COG6: variants seen among roughly 807,000 people sequenced by gnomAD.
COG6 encodes the protein conserved oligomeric Golgi complex subunit 6.
In COG6, 74 loss-of-function variants were observed where a neutral mutation model predicts 88.8. The observed-to-expected ratio is 0.83, with a 90% CI of 0.69 to 1.01. The LOEUF (loss-of-function observed/expected upper bound fraction) is 1.01, where lower values mean the gene tolerates loss of function less well. Ranked by LOEUF, COG6 falls within the 50% of genes least tolerant of loss-of-function variation. The pLI, the probability that COG6 is intolerant of heterozygous loss-of-function variation, is 0.00. For synonymous variants in COG6, 286 were observed against 278.7 expected (o/e 1.03, Z -0.26); for missense variants, 800 against 797.9 (o/e 1.00, Z -0.03).
chr13:39,778,806 G>T (rs546148947), intron 18 of COG6, among the ~76,000 whole-genome samples: 1 of 152,314 alleles, frequency 6.6e-6, no homozygotes, highest in Non-Finnish European at 1.5e-5. Flanking sequence ...TGACACGTTG[G>T]TCTGGTTTTG....
chr13:39,786,022 A>G (rs963344410), intron 18 of COG6, among the ~76,000 whole-genome samples: 3 of 152,206 alleles, frequency 2.0e-5, no homozygotes, highest in Admixed American at 6.5e-5. Context: ...AGAGCCCAGC[A>G]GTGCCTCAAC....
intron 18 of COG6, among the ~76,000 whole-genome samples, chr13:39,773,744 T>G (rs1881382147): frequency 6.6e-6 from 1 of 152,234 alleles, no homozygotes; most frequent in Non-Finnish European, 1.5e-5. Flanking sequence ...AATCAGCTAC[T>G]TATTGCTTAA....
intron 11 of COG6, among the ~76,000 whole-genome samples, chr13:39,693,748 C>T (rs1396213686): frequency 2.0e-5 from 3 of 151,830 alleles, no homozygotes; most frequent in African/African-American, 7.2e-5. Context: ...TAGCAAATCA[C>T]ATTTGTTTTA....
chr13:39,676,574 T>G (rs1285922465), intron 4 of COG6, among the ~76,000 whole-genome samples: 6 of 152,078 alleles, frequency 3.9e-5, no homozygotes, highest in Non-Finnish European at 5.9e-5. Flanking sequence ...ATTTAAAACC[T>G]CCATCCCAAA....
intron 17 of COG6, among the ~76,000 whole-genome samples, chr13:39,726,178 C>A (rs1255490013): frequency 6.6e-6 from 1 of 151,888 alleles, no homozygotes; most frequent in Non-Finnish European, 1.5e-5. Flanking sequence ...TTCAGCATGT[C>A]CAAAACTAAC....
At chr13:39,660,046 A>G (rs1411628504) in intron 2 of COG6, among the ~76,000 whole-genome samples, 1 of 152,304 alleles carries the variant, frequency 6.6e-6, no homozygotes, top group Non-Finnish European at 1.5e-5. Context: ...GTTTTAATAC[A>G]TTGTAATACT....
intron 18 of COG6, among the ~76,000 whole-genome samples, chr13:39,737,018 C>T (rs1353782057): frequency 6.6e-6 from 1 of 152,160 alleles, no homozygotes; most frequent in Non-Finnish European, 1.5e-5. Context: ...GTCACTGCAG[C>T]CATATCTACA....
At chr13:39,708,513 T>TA (rs761234314) in intron 13 of COG6, among the ~76,000 whole-genome samples, 3 of 152,198 alleles carry the variant, frequency 2.0e-5, no homozygotes, top group Non-Finnish European at 4.4e-5. Context: ...TTGATTATTT[T>TA]AGCTTCCACA....
intron 4 of COG6, among the ~76,000 whole-genome samples, chr13:39,666,124 T>C (rs1158955647): frequency 6.6e-6 from 1 of 152,240 alleles, no homozygotes. Context: ...CAACTAGTGT[T>C]TTTTTGTAGT....
chr13:39,715,974 G>A (rs1245966373), intron 13 of COG6, among the ~76,000 whole-genome samples: 1 of 151,832 alleles, frequency 6.6e-6, no homozygotes, highest in Non-Finnish European at 1.5e-5. Flanking sequence ...TTTGAAGTAG[G>A]AATGATAAAT....
At chr13:39,723,954 C>G (rs1389612308) in intron 16 of COG6, among the ~76,000 whole-genome samples, 1 of 151,860 alleles carries the variant, frequency 6.6e-6, no homozygotes, top group Non-Finnish European at 1.5e-5. Context: ...TTATAGAACC[C>G]TAGTAGAAAT....
intron 3 of COG6, among the ~76,000 whole-genome samples, chr13:39,662,574 T>C (rs1416958976): frequency 6.6e-6 from 1 of 152,220 alleles, no homozygotes; most frequent in Non-Finnish European, 1.5e-5. Flanking sequence ...AGTGTTCAAA[T>C]TGATAGGCTT....
chr13:39,669,111 T>C (rs1472874583), intron 4 of COG6, among the ~76,000 whole-genome samples: 1 of 152,238 alleles, frequency 6.6e-6, no homozygotes, highest in Non-Finnish European at 1.5e-5. Context: ...TGGGAGATGG[T>C]TGACTCTGCA....
intron 17 of COG6, among the ~76,000 whole-genome samples, chr13:39,726,361 G>T (rs1366677581): frequency 6.6e-6 from 1 of 151,892 alleles, no homozygotes; most frequent in Non-Finnish European, 1.5e-5. Context: ...AAGGGATGCA[G>T]CTACTACACA....
rs1433405652 is a variant in COG6, at chr13:39,751,497, A to G, written c.*404A>G. The G allele has an allele frequency of 7.9e-7, 1 of 1,269,058 alleles. No homozygotes were observed. Among genetic ancestry groups the G allele is most frequent in the Admixed American group, 2.3e-5 (1 of 43,560 alleles). 78.6% of individuals were successfully genotyped at this position (1,269,058 alleles called of 1,614,324 possible). On this transcript the variant is annotated 3_prime_UTR_variant, in exon 19 of 19. Transcript: ENST00000455146. Reference sequence around the variant, plus strand: ...GATATGACCTAATAAATGTCTCCTTACCTAAAGATTCATTTGCTTTCTTTT... The same window carrying G: ...GATATGACCTAATAAATGTCTCCTTGCCTAAAGATTCATTTGCTTTCTTTT...
chr13:39,786,910 C>T (rs1881789594), intron 18 of COG6, among the ~76,000 whole-genome samples: 1 of 152,152 alleles, frequency 6.6e-6, no homozygotes, highest in Non-Finnish European at 1.5e-5. Flanking sequence ...AATAACTATA[C>T]ATTATTAAGA....
chr13:39,713,464 G>A (rs866629709), intron 13 of COG6, among the ~76,000 whole-genome samples: 25 of 152,260 alleles, frequency 1.6e-4, no homozygotes, highest in South Asian at 4.1e-4. Context: ...GGCCAGGTGC[G>A]GTGGCTCACG....
In COG6 at chr13:39,751,567, G is replaced by A; in HGVS notation, c.*474G>A. On this transcript the variant is annotated 3_prime_UTR_variant, in exon 19 of 19. Coordinates refer to ENST00000455146, the MANE Select transcript of COG6 (RefSeq NM_020751.3). ...AGTAGCTTTTCTGAACCTAGCCTAT[G>A]TCTCTGTCCCCAAAATAGCTGCCCT... 1 of 1,287,186 alleles carries A rather than the reference G, an allele frequency of 7.8e-7. No individual in the cohort carries two copies. Among genetic ancestry groups the A allele is most frequent in the Non-Finnish European group, 1.0e-6 (1 of 988,720 alleles). The allele number at this position is 1,287,186 out of a possible 1,614,324, so 79.7% of individuals were successfully genotyped here.
intron 18 of COG6, among the ~76,000 whole-genome samples, chr13:39,778,330 T>A (rs1424618992): frequency 6.6e-6 from 1 of 152,218 alleles, no homozygotes; most frequent in Non-Finnish European, 1.5e-5. Context: ...AAAGGCAGCA[T>A]AGGGCAAAAG....
Sources: gnomAD v4.1 joint callset for allele counts (sites outside exome capture counted in the v4.1 genomes callset) on GRCh38, gnomAD v4.1.1 for gene constraint, MANE v1.5 for transcripts, NCBI Gene and HGNC (gene_info 2026-07-23, HGNC 2026-07-21) for gene names.